The following MAGI1 variants were observed in gnomAD, a reference collection of about 807,000 sequenced individuals.
MAGI1 encodes the protein membrane associated guanylate kinase, WW and PDZ domain containing 1.
A neutral mutation model predicts 139.9 loss-of-function variants in MAGI1; 58 were observed. That is an observed-to-expected ratio of 0.41 (90% confidence interval 0.34 to 0.52). The LOEUF is 0.52. Ranked by LOEUF, MAGI1 falls within the 20% of genes least tolerant of loss-of-function variation. The pLI is 0.12. For missense variants in MAGI1, 1,874 were observed against 1,901.6 expected, an observed-to-expected ratio of 0.99 and a Z score of 0.27; for synonymous variants, 812 against 737.9, an observed-to-expected ratio of 1.10 and a Z score of -1.63.
chr3:65,799,158 T>C, intron 1 of MAGI1, among the ~76,000 whole-genome samples: 1 of 152,206 alleles, frequency 6.6e-6, no homozygotes, highest in East Asian at 1.9e-4. Context: ...TCTATAGTAT[T>C]CTATCTGTGA....
At chr3:65,791,947 C>G (rs751852868) in intron 1 of MAGI1, among the ~76,000 whole-genome samples, 2 of 152,074 alleles carry the variant, frequency 1.3e-5, no homozygotes, top group Non-Finnish European at 2.9e-5. Flanking sequence ...CACTAGTTCT[C>G]CCTTATCTGC....
chr3:66,000,311 C>T (rs1461969089), intron 1 of MAGI1, among the ~76,000 whole-genome samples: 1 of 152,006 alleles, frequency 6.6e-6, no homozygotes, highest in Non-Finnish European at 1.5e-5. Context: ...GCTTGACATT[C>T]CTTCCCCAGA....
In MAGI1 at chr3:65,364,843, C is replaced by A; in HGVS notation, c.3290+10G>T. 1 of 1,613,690 alleles carries A rather than the reference C, an allele frequency of 6.2e-7. No homozygotes were observed. Among genetic ancestry groups the A allele is most frequent in the South Asian group, 1.1e-5 (1 of 91,050 alleles). On this transcript the variant is annotated intron_variant, in intron 19 of 22. Coordinates refer to ENST00000402939, the MANE Select transcript of MAGI1 (RefSeq NM_001033057.2). ...TTCCCCTTTAACAAAGGAAACCAGT[C>A]ATGTCTGACCTTGTCTCCTGGGTCC...
intron 1 of MAGI1, among the ~76,000 whole-genome samples, chr3:65,678,947 A>C (rs772309884): frequency 1.3e-5 from 2 of 152,184 alleles, no homozygotes; most frequent in Admixed American, 1.3e-4. Flanking sequence ...ATAATTAAGA[A>C]TCATCCCATC....
At chr3:65,401,670 G>C in intron 12 of MAGI1, 200 bp from the exon 13 acceptor site, 1 of 1,545,744 alleles carries the variant, frequency 6.5e-7, no homozygotes, top group African/African-American at 1.4e-5. Context: ...CGAGAGGCAG[G>C]AGATCTATCT....
chr3:65,541,434 A>C (rs2079219343), intron 2 of MAGI1, among the ~76,000 whole-genome samples: 1 of 152,182 alleles, frequency 6.6e-6, no homozygotes, highest in South Asian at 2.1e-4. Context: ...GGCCAGCATC[A>C]TCCTGATACC....
At chr3:66,018,957 A>G (rs906251307) in intron 1 of MAGI1, among the ~76,000 whole-genome samples, 2 of 131,366 alleles carry the variant, frequency 1.5e-5, no homozygotes, top group Non-Finnish European at 3.5e-5. Context: ...GCCATATCCA[A>G]TTGGAAGGTA....
chr3:66,027,806 T>G (rs2068368954), intron 1 of MAGI1, among the ~76,000 whole-genome samples: 1 of 152,152 alleles, frequency 6.6e-6, no homozygotes, highest in African/African-American at 2.4e-5. Context: ...AATTCTCCCT[T>G]GAGGGGCTGT....
At chr3:65,575,121 G>A (rs943433087) in intron 2 of MAGI1, among the ~76,000 whole-genome samples, 5 of 151,962 alleles carry the variant, frequency 3.3e-5, no homozygotes, top group African/African-American at 9.7e-5. Flanking sequence ...GGATGAAAAC[G>A]TAAGGCACAT....
At chr3:65,925,788 T>G (rs2062470822) in intron 1 of MAGI1, among the ~76,000 whole-genome samples, 1 of 152,128 alleles carries the variant, frequency 6.6e-6, no homozygotes, top group African/African-American at 2.4e-5. Context: ...CAAGCCATCC[T>G]CTCACCTCAG....
intron 1 of MAGI1, among the ~76,000 whole-genome samples, chr3:65,731,418 T>C (rs922117522): frequency 2.6e-5 from 4 of 151,240 alleles, no homozygotes; most frequent in African/African-American, 9.7e-5. Context: ...TTTGGGAGGC[T>C]GAGGTGGGTG....
At chr3:65,871,414 C>T (rs2059935374) in intron 1 of MAGI1, among the ~76,000 whole-genome samples, 1 of 152,190 alleles carries the variant, frequency 6.6e-6, no homozygotes, top group African/African-American at 2.4e-5. Flanking sequence ...AGGATTGGGA[C>T]AGCGTGACTG....
chr3:66,008,988 A>G (rs2067179774), intron 1 of MAGI1: 1 of 152,290 alleles, frequency 6.6e-6, no homozygotes, highest in Non-Finnish European at 1.5e-5. Context: ...AGCTATCCCC[A>G]TTTGTATAAA....
At chr3:65,380,281 T>G (rs1378896865) in intron 16 of MAGI1, among the ~76,000 whole-genome samples, 1 of 152,266 alleles carries the variant, frequency 6.6e-6, no homozygotes, top group Non-Finnish European at 1.5e-5. Context: ...AAATGTGTGT[T>G]GTGTCCAAGT....
At chr3:65,671,644 T>C (rs113138848) in intron 1 of MAGI1, among the ~76,000 whole-genome samples, 1 of 152,180 alleles carries the variant, frequency 6.6e-6, no homozygotes, top group Non-Finnish European at 1.5e-5. Flanking sequence ...GAATAGTCCA[T>C]CATTTGTCAC....
chr3:65,527,326 T>TC, intron 2 of MAGI1, among the ~76,000 whole-genome samples: 1 of 152,348 alleles, frequency 6.6e-6, no homozygotes, highest in Non-Finnish European at 1.5e-5. Flanking sequence ...ATGCCTATAA[T>TC]CCCAGCACTT....
At chr3:65,370,300 C>G (rs927337450) in intron 18 of MAGI1, among the ~76,000 whole-genome samples, 2 of 152,162 alleles carry the variant, frequency 1.3e-5, no homozygotes, top group African/African-American at 2.4e-5. Flanking sequence ...CATATTCACC[C>G]TCTGCCAGAC....
chr3:65,457,550 G>C (rs1385657236), intron 5 of MAGI1, among the ~76,000 whole-genome samples: 1 of 152,104 alleles, frequency 6.6e-6, no homozygotes, highest in East Asian at 1.9e-4. Context: ...TGGTTTGTTA[G>C]ATTGACACCT....
At chr3:65,678,308 C>A (rs552938293) in intron 1 of MAGI1, among the ~76,000 whole-genome samples, 1 of 150,598 alleles carries the variant, frequency 6.6e-6, no homozygotes. Flanking sequence ...GATCCCATAA[C>A]TTAAAGTATA....
Sources: gnomAD v4.1 joint callset for allele counts (sites outside exome capture counted in the v4.1 genomes callset) on GRCh38, gnomAD v4.1.1 for gene constraint, MANE v1.5 for transcripts, NCBI Gene and HGNC (gene_info 2026-07-23, HGNC 2026-07-21) for gene names.